PPP4R4: variants seen among roughly 807,000 people sequenced by gnomAD.
The protein encoded by PPP4R4 is protein phosphatase 4 regulatory subunit 4, also known as serine/threonine-protein phosphatase 4 regulatory subunit 4.
Under a neutral mutation model 121.8 loss-of-function variants are expected in PPP4R4, and 70 were observed. That is an observed-to-expected ratio of 0.57 (90% CI 0.47 to 0.70). PPP4R4 has a LOEUF of 0.70. PPP4R4 is among the 30% of genes least tolerant of loss of function. The pLI is 0.00. For missense variants in PPP4R4, 875 were observed against 1,033.6 expected, an observed-to-expected ratio of 0.85 and a Z score of 2.10; for synonymous variants, 348 against 355.7, an observed-to-expected ratio of 0.98 and a Z score of 0.24.
At chr14:94,240,422 A>G (rs1269716184) in intron 8 of PPP4R4, among the ~76,000 whole-genome samples, 1 of 152,162 alleles carries the variant, frequency 6.6e-6, no homozygotes. Context: ...CACTCTTTAT[A>G]TTCTGTTCCC....
intron 3 of PPP4R4, among the ~76,000 whole-genome samples, chr14:94,212,936 AC>A (rs1890820940): frequency 6.6e-6 from 1 of 152,218 alleles, no homozygotes; most frequent in Non-Finnish European, 1.5e-5. Flanking sequence ...TTTTACACTT[AC>A]ATTTTGGCAA....
intron 23 of PPP4R4, among the ~76,000 whole-genome samples, chr14:94,274,272 A>C (rs915345605): frequency 6.6e-6 from 1 of 152,152 alleles, no homozygotes; most frequent in Non-Finnish European, 1.5e-5. Context: ...ACCATAAAAC[A>C]AAAATATCAA....
chr14:94,238,847 A>G (rs1310569477), intron 8 of PPP4R4, among the ~76,000 whole-genome samples: 1 of 152,248 alleles, frequency 6.6e-6, no homozygotes, highest in Non-Finnish European at 1.5e-5. Flanking sequence ...CAGAACAGTC[A>G]TTTAGACAAT....
At chr14:94,234,369 A>G (rs1263618736) in intron 6 of PPP4R4, among the ~76,000 whole-genome samples, 193 bp from the exon 7 acceptor site, 1 of 152,242 alleles carries the variant, frequency 6.6e-6, no homozygotes, top group African/African-American at 2.4e-5. Context: ...AGACTGTGTG[A>G]TATACATAAT....
At chr14:94,196,466 A>G (rs997222086) in intron 2 of PPP4R4, among the ~76,000 whole-genome samples, 16 of 151,694 alleles carry the variant, frequency 1.1e-4, no homozygotes, top group Non-Finnish European at 1.0e-4. Flanking sequence ...GATGTTTGCC[A>G]CCACACCCAG....
At chr14:94,256,399 TTA>T in intron 16 of PPP4R4, 59 bp from the exon 17 acceptor site, 2 of 1,392,956 alleles carry the variant, frequency 1.4e-6, no homozygotes, top group Non-Finnish European at 2.0e-6. Flanking sequence ...GATTTTTGTT[TTA>T]TGTTTCTGTT....
chr14:94,203,583 C>T (rs905495504), intron 2 of PPP4R4, among the ~76,000 whole-genome samples: 2 of 152,100 alleles, frequency 1.3e-5, no homozygotes, highest in African/African-American at 4.8e-5. Context: ...CCCCAGAGTA[C>T]AATTGCTGGC....
intron 8 of PPP4R4, among the ~76,000 whole-genome samples, chr14:94,238,856 A>G (rs1359722359): frequency 6.6e-6 from 1 of 152,236 alleles, no homozygotes; most frequent in African/African-American, 2.4e-5. Flanking sequence ...CATTTAGACA[A>G]TATGACAAAC....
chr14:94,212,696 A>T (rs2139461727), intron 3 of PPP4R4, among the ~76,000 whole-genome samples: 1 of 152,224 alleles, frequency 6.6e-6, no homozygotes, highest in East Asian at 1.9e-4. Context: ...CAGTATATTA[A>T]ATTGAAATCT....
chr14:94,197,303 T>C (rs1026338052), intron 2 of PPP4R4, among the ~76,000 whole-genome samples: 16 of 152,334 alleles, frequency 1.1e-4, no homozygotes, highest in African/African-American at 3.8e-4. Flanking sequence ...TACAAAACCA[T>C]TTGCAGTTTT....
chr14:94,225,352 C>T (rs1278853728), intron 3 of PPP4R4, among the ~76,000 whole-genome samples: 3 of 152,098 alleles, frequency 2.0e-5, no homozygotes, highest in Admixed American at 1.3e-4. Flanking sequence ...TGCTTTGGGC[C>T]TGGGGGTGTT....
chr14:94,246,364 C>T lies in PPP4R4; in HGVS notation c.1436C>T (p.Ser479Phe). 2 of 1,595,328 alleles carry T rather than the reference C, an allele frequency of 1.3e-6. No homozygotes were observed. The highest frequency in any genetic ancestry group is 1.7e-6 in the Non-Finnish European group (2 of 1,175,006). Reference protein sequence around the residue: ...ESSVQENKLSSLPDLIPALTA... With the variant: ...ESSVQENKLSFLPDLIPALTA... ...GATGCGTTTCATTTTCAGTTATCTTCTCTGCCTGACTTGATTCCAGCACTC... is the reference window on the plus strand; with the variant it reads ...GATGCGTTTCATTTTCAGTTATCTTTTCTGCCTGACTTGATTCCAGCACTC... Residue 479 changes from serine (S) to phenylalanine (F), a missense_variant, in exon 14 of 25, where the codon TCT becomes TTT. By Grantham distance (155) the Ser-to-Phe change is radical. Coordinates refer to ENST00000304338, the MANE Select transcript of PPP4R4 (RefSeq NM_058237.2).
chr14:94,273,821 GAAACAA>G (rs1381096840), intron 23 of PPP4R4, among the ~76,000 whole-genome samples: 1 of 151,872 alleles, frequency 6.6e-6, no homozygotes, highest in East Asian at 1.9e-4. Context: ...CCATATTAAA[GAAACAA>G]AAACAAAAAC....
At chr14:94,258,761 AT>A (rs1225678330) in intron 17 of PPP4R4, 21 bp from the exon 18 acceptor site, 4 of 1,521,538 alleles carry the variant, frequency 2.6e-6, no homozygotes, top group Non-Finnish European at 1.8e-6. Context: ...CTTTAGAATA[AT>A]TTTAAAAACT....
intron 5 of PPP4R4, 131 bp from the exon 6 acceptor site, chr14:94,233,522 A>G: frequency 3.3e-6 from 2 of 615,040 alleles, no homozygotes; most frequent in South Asian, 2.2e-5. Flanking sequence ...TTATTGAGTC[A>G]TGAACCTCAA....
chr14:94,255,600 C>CA (rs199694473), intron 16 of PPP4R4, among the ~76,000 whole-genome samples: 3,668 of 127,212 alleles, frequency 0.029, 95 homozygotes, highest in African/African-American at 0.075. Flanking sequence ...GACTCTGTCT[C>CA]AAAAAAAAAA....
At chr14:94,237,436 G>C in intron 7 of PPP4R4, 129 bp from the exon 8 acceptor site, 1 of 767,270 alleles carries the variant, frequency 1.3e-6, no homozygotes, top group South Asian at 2.0e-5. Flanking sequence ...AAAGCTTCTG[G>C]AGAGCAGGAA....
In PPP4R4 at chr14:94,174,401, G is replaced by A. The variant is rs1888539442; in HGVS notation, c.-65G>A. The A allele has an allele frequency of 6.1e-6, 8 of 1,315,824 alleles. No homozygotes were observed. Among genetic ancestry groups the A allele is most frequent in the Non-Finnish European group, 7.8e-6 (8 of 1,027,532 alleles). The allele number at this position is 1,315,824 out of a possible 1,614,324, so 81.5% of individuals were successfully genotyped here. On this transcript the variant is annotated 5_prime_UTR_variant, in exon 1 of 25. Transcript: ENST00000304338. ...GAAAGTCCTGCTGGTGGGCGGCCGC[G>A]GGGCTGAGGGCGTCCGGCATCCCGG... is the stretch of plus-strand genomic sequence containing the variant.
intron 23 of PPP4R4, among the ~76,000 whole-genome samples, chr14:94,270,858 C>T (rs1894284671): frequency 6.7e-6 from 1 of 149,920 alleles, no homozygotes; most frequent in African/African-American, 2.5e-5. Context: ...GACGAGGTTG[C>T]AGTGAGCCAA....
Sources: gnomAD v4.1 joint callset for allele counts (sites outside exome capture counted in the v4.1 genomes callset) on GRCh38, gnomAD v4.1.1 for gene constraint, MANE v1.5 for transcripts, NCBI Gene and HGNC (gene_info 2026-07-23, HGNC 2026-07-21) for gene names.